The following TRPM1 variants were observed in gnomAD, a reference collection of about 807,000 sequenced individuals.
TRPM1 encodes the protein transient receptor potential cation channel subfamily M member 1, also known as TRPM1-203 APA Isoform, Intron 10.
In TRPM1, 113 loss-of-function variants were observed where a neutral mutation model predicts 149.4. That is an observed-to-expected ratio of 0.76 (90% CI 0.65 to 0.88). The LOEUF (loss-of-function observed/expected upper bound fraction) is 0.88. Among genes scored for constraint, TRPM1 ranks in the 40% least tolerant of loss-of-function variants. The pLI is 0.00. For synonymous variants in TRPM1, 741 were observed against 759.5 expected (o/e 0.98, Z 0.40); for missense variants, 1,976 against 2,038.7 (o/e 0.97, Z 0.59).
Position 31,026,986 on chromosome 15 carries a change from A to G in TRPM1, c.3425T>C (p.Ile1142Thr). The G allele has an allele frequency of 6.2e-7, 1 of 1,614,120 alleles. No individual in the cohort carries two copies. Among genetic ancestry groups the G allele is most frequent in the South Asian group, 1.1e-5 (1 of 91,068 alleles). ...PMIILSHIYI[I>T]IMRLSGRCRK... Reference sequence around the variant, plus strand: ...GCAGCGGCCGCTGAGACGCATAATGATGATGTAGATGTGGCTTAAAATGAT... The same window carrying G: ...GCAGCGGCCGCTGAGACGCATAATGGTGATGTAGATGTGGCTTAAAATGAT... Residue 1142 changes from isoleucine to threonine, a missense_variant, in exon 26 of 28, where the codon ATC becomes ACC. By Grantham distance (89) the Ile-to-Thr change is moderately conservative (BLOSUM62 -1). Transcript: ENST00000256552.
intron 1 of TRPM1, among the ~76,000 whole-genome samples, chr15:31,096,685 T>C (rs1042073486): frequency 2.6e-5 from 4 of 152,242 alleles, no homozygotes; most frequent in African/African-American, 9.6e-5. Flanking sequence ...GGCCAGCCTC[T>C]TGTGCCTGCC....
chr15:31,062,499 A>G (rs2034259160), intron 9 of TRPM1, 80 bp downstream of exon 9: 1 of 1,566,520 alleles, frequency 6.4e-7, no homozygotes, highest in African/African-American at 1.4e-5. Flanking sequence ...TAACCCTGTC[A>G]TGCACACATG....
intron 2 of TRPM1, among the ~76,000 whole-genome samples, chr15:31,080,660 C>A (rs1596048909): frequency 1.5e-5 from 2 of 136,884 alleles, no homozygotes; most frequent in Non-Finnish European, 3.2e-5. Flanking sequence ...ACCCCGCCCC[C>A]TCACCCCGCC....
intron 8 of TRPM1, 149 bp from the exon 9 acceptor site, chr15:31,062,851 A>T: frequency 9.7e-7 from 1 of 1,030,324 alleles, no homozygotes; most frequent in Non-Finnish European, 1.5e-6. Flanking sequence ...CAAACATCGT[A>T]TTCTCACTTG....
At chr15:31,121,162 G>T (rs116745674) in intron 1 of TRPM1, among the ~76,000 whole-genome samples, 2 of 136,550 alleles carry the variant, frequency 1.5e-5, no homozygotes, top group Non-Finnish European at 1.5e-5. Flanking sequence ...GGAGGCAGAT[G>T]TTGCAGTGAA....
chr15:31,130,345 T>A (rs2141042471), intron 1 of TRPM1, among the ~76,000 whole-genome samples: 1 of 152,362 alleles, frequency 6.6e-6, no homozygotes, highest in Admixed American at 6.5e-5. Context: ...ATCTTGCTTC[T>A]AACCTCCAAA....
At chr15:31,113,217 G>C (rs1454404855) in intron 1 of TRPM1, among the ~76,000 whole-genome samples, 1 of 152,142 alleles carries the variant, frequency 6.6e-6, no homozygotes, top group Non-Finnish European at 1.5e-5. Flanking sequence ...TCACAGGAGT[G>C]AATCTCCCAG....
chr15:31,076,075 A>C (rs1046224873), intron 3 of TRPM1, among the ~76,000 whole-genome samples: 18 of 152,046 alleles, frequency 1.2e-4, no homozygotes, highest in Non-Finnish European at 1.8e-4. Context: ...GATGCAACAA[A>C]GGGGAGACTT....
chr15:31,004,507 A>T (rs1215661775), intron 27 of TRPM1, among the ~76,000 whole-genome samples: 1 of 151,140 alleles, frequency 6.6e-6, no homozygotes, highest in East Asian at 2.0e-4. Flanking sequence ...CTGTGTTTGT[A>T]TGTGTGGTTC....
chr15:31,022,922 T>C (rs898826046), intron 27 of TRPM1, among the ~76,000 whole-genome samples: 7 of 152,202 alleles, frequency 4.6e-5, no homozygotes, highest in African/African-American at 1.4e-4. Flanking sequence ...CTTCAGAGGC[T>C]GATGCAGAAG....
chr15:31,106,274 G>A (rs187900422), upstream of TRPM1, among the ~76,000 whole-genome samples: 32 of 151,842 alleles, frequency 2.1e-4, no homozygotes, highest in East Asian at 6.2e-3. Flanking sequence ...AAATAGCTGG[G>A]ACTACAGGTA....
At chr15:31,053,183 C>A (rs2140944254) in intron 11 of TRPM1, among the ~76,000 whole-genome samples, 1 of 152,292 alleles carries the variant, frequency 6.6e-6, no homozygotes, top group Admixed American at 6.5e-5. Context: ...TATCACTAAT[C>A]ATTAGGGAAA....
chr15:31,092,649 A>C (rs2035270880), intron 1 of TRPM1, among the ~76,000 whole-genome samples: 1 of 152,202 alleles, frequency 6.6e-6, no homozygotes, highest in Admixed American at 6.5e-5. Context: ...TTCCACACTG[A>C]GGTTTACTGG....
intron 1 of TRPM1, among the ~76,000 whole-genome samples, chr15:31,118,275 A>G (rs760079389): frequency 1.3e-5 from 2 of 152,150 alleles, no homozygotes; most frequent in Non-Finnish European, 2.9e-5. Flanking sequence ...ATATAATAAA[A>G]ATAAATAAAT....
chr15:31,099,921 T>C (rs1336852499), intron 1 of TRPM1, among the ~76,000 whole-genome samples: 2 of 152,166 alleles, frequency 1.3e-5, no homozygotes, highest in South Asian at 2.1e-4. Flanking sequence ...AGTGCACTCA[T>C]AGAGAGGCAG....
At chr15:31,123,586 A>T (rs558800893) in intron 1 of TRPM1, among the ~76,000 whole-genome samples, 1 of 152,328 alleles carries the variant, frequency 6.6e-6, no homozygotes, top group African/African-American at 2.4e-5. Context: ...GCTCAATATC[A>T]TTTTTTATCA....
Position 31,028,479 on chromosome 15 carries a change from G to GA in TRPM1, c.3149-4dup. The GA allele has an allele frequency of 6.2e-7, 1 of 1,612,898 alleles. No individual in the cohort carries two copies. Among genetic ancestry groups the GA allele is most frequent in the Non-Finnish European group, 8.5e-7 (1 of 1,179,700 alleles). ...ATATAGGTTCTCACCACAAGGAGCTGAAAGAAAAAAATAGTTTTGTCTTTG... is the reference window on the plus strand; with the variant it reads ...ATATAGGTTCTCACCACAAGGAGCTGAAAAGAAAAAAATAGTTTTGTCTTTG... On this transcript the variant is annotated splice_region_variant and splice_polypyrimidine_tract_variant and intron_variant, in intron 24 of 27. Coordinates refer to ENST00000256552, the MANE Select transcript of TRPM1 (RefSeq NM_001252024.2).
In TRPM1 at chr15:31,063,240, G is replaced by A. The variant is rs373238282; in HGVS notation, c.843C>T (p.Asn281=). 3.1e-6 allele frequency: 5 copies of A among 1,613,982 alleles called. No homozygotes were observed. Among genetic ancestry groups the A allele is most frequent in the Admixed American group, 1.7e-5 (1 of 60,006 alleles). The change falls in exon 8 of 28, where the codon AAC becomes AAT. Residue 281 remains asparagine, a synonymous_variant. Coordinates refer to ENST00000256552, the MANE Select transcript of TRPM1 (RefSeq NM_001252024.2). ...LVGLVVEGGP[N]VVSIVLEYLQ... Reference sequence around the variant, plus strand: ...GGTATTCCAAGACGATGGACACCACGTTAGGGCCCCCCTCCACCACGAGAC... The same window carrying A: ...GGTATTCCAAGACGATGGACACCACATTAGGGCCCCCCTCCACCACGAGAC...
chr15:31,114,106 G>A (rs540007238), intron 1 of TRPM1, among the ~76,000 whole-genome samples: 1 of 152,154 alleles, frequency 6.6e-6, no homozygotes, highest in Non-Finnish European at 1.5e-5. Flanking sequence ...ACTGGACACA[G>A]AAGCCCAGCT....
Sources: allele counts gnomAD v4.1 joint callset (sites outside exome capture counted in the v4.1 genomes callset), GRCh38; gene constraint gnomAD v4.1.1; transcripts MANE v1.5; gene names NCBI Gene and HGNC (gene_info 2026-07-23, HGNC 2026-07-21).